The following RAB3C variants were observed in gnomAD, a reference collection of about 807,000 sequenced individuals.
RAB3C encodes ras-related protein Rab-3C.
In RAB3C, 17 loss-of-function variants were observed where a neutral mutation model predicts 26.4. The observed-to-expected ratio is 0.64, with a 90% CI of 0.44 to 0.97. RAB3C has a LOEUF of 0.97. Among genes scored for constraint, RAB3C ranks in the 50% least tolerant of loss-of-function variants. RAB3C has a pLI of 0.00. For synonymous variants in RAB3C, 91 were observed against 95.9 expected (o/e 0.95, Z 0.30); for missense variants, 242 against 281.9 (o/e 0.86, Z 1.01).
chr5:58,745,270 T>C (rs1281704155), intron 3 of RAB3C, among the ~76,000 whole-genome samples: 2 of 148,430 alleles, frequency 1.3e-5, no homozygotes, highest in South Asian at 2.1e-4. Context: ...TAGTGGCGGG[T>C]GCCTGTGGTC....
At chr5:58,666,951 T>C (rs9292171) in intron 2 of RAB3C, among the ~76,000 whole-genome samples, 29,289 of 152,124 alleles carry the variant, frequency 0.19, 3,091 homozygotes, top group African/African-American at 0.28. Context: ...ATTTGAGCGT[T>C]TTGTCCTGGG....
intron 3 of RAB3C, among the ~76,000 whole-genome samples, chr5:58,740,202 C>T (rs923210589): frequency 1.3e-5 from 2 of 152,212 alleles, no homozygotes; most frequent in Non-Finnish European, 1.5e-5. Flanking sequence ...CCAGAGTCAG[C>T]TATTACAGGA....
intron 2 of RAB3C, among the ~76,000 whole-genome samples, chr5:58,633,978 A>AC (rs199537427): frequency 5.8e-5 from 4 of 69,536 alleles, no homozygotes; most frequent in African/African-American, 4.7e-4. Context: ...TAAAAAATAC[A>AC]AAAAAAAAAA....
At chr5:58,784,195 T>C (rs1391992392) in intron 3 of RAB3C, among the ~76,000 whole-genome samples, 1 of 152,162 alleles carries the variant, frequency 6.6e-6, no homozygotes, top group East Asian at 1.9e-4. Context: ...ATATAATATA[T>C]AGTCCTCCAC....
chr5:58,833,324 T>TCTCA (rs1554021454), intron 4 of RAB3C, among the ~76,000 whole-genome samples: 136 of 141,154 alleles, frequency 9.6e-4, no homozygotes, highest in African/African-American at 3.4e-3. Context: ...ACGGACCCCA[T>TCTCA]CACACACACA....
intron 2 of RAB3C, among the ~76,000 whole-genome samples, chr5:58,666,632 G>C (rs1748007704): frequency 6.6e-6 from 1 of 152,128 alleles, no homozygotes; most frequent in Non-Finnish European, 1.5e-5. Flanking sequence ...ACCACACTAG[G>C]CTGACCAGTT....
intron 4 of RAB3C, among the ~76,000 whole-genome samples, chr5:58,837,048 T>C (rs925093571): frequency 4.6e-5 from 7 of 152,206 alleles, no homozygotes; most frequent in Non-Finnish European, 1.0e-4. Flanking sequence ...ACATTTGTTA[T>C]TTTTTGTGTT....
At chr5:58,675,414 T>C (rs1416632086) in intron 2 of RAB3C, among the ~76,000 whole-genome samples, 33 of 152,150 alleles carry the variant, frequency 2.2e-4, no homozygotes, top group Admixed American at 2.1e-3. Flanking sequence ...TTAAACTTTC[T>C]GTATATTGTA....
At chr5:58,673,322 A>G (rs1311426478) in intron 2 of RAB3C, among the ~76,000 whole-genome samples, 1 of 152,128 alleles carries the variant, frequency 6.6e-6, no homozygotes, top group Admixed American at 6.6e-5. Context: ...GTCCAACCTG[A>G]TCCAAAACAA....
intron 1 of RAB3C, among the ~76,000 whole-genome samples, chr5:58,587,694 C>T (rs143006353): frequency 1.3e-3 from 193 of 152,232 alleles, no homozygotes; most frequent in Admixed American, 2.2e-3. Flanking sequence ...CTAATCATCC[C>T]TGAGTATTCC....
At chr5:58,583,679 A>C (rs1324270213) in intron 1 of RAB3C, among the ~76,000 whole-genome samples, 1 of 152,134 alleles carries the variant, frequency 6.6e-6, no homozygotes, top group Non-Finnish European at 1.5e-5. Flanking sequence ...AAGGCGCATT[A>C]AATAAAGAGA....
At chr5:58,612,913 G>A (rs1237879576) in intron 1 of RAB3C, among the ~76,000 whole-genome samples, 1 of 151,860 alleles carries the variant, frequency 6.6e-6, no homozygotes, top group Non-Finnish European at 1.5e-5. Flanking sequence ...GTTTTCAAGG[G>A]GAATGCTTCC....
chr5:58,819,149 A>G (rs142228545), intron 3 of RAB3C, among the ~76,000 whole-genome samples: 73 of 152,340 alleles, frequency 4.8e-4, no homozygotes, highest in African/African-American at 1.7e-3. Context: ...AGATGTTGCA[A>G]CTTAAAAAGT....
intron 2 of RAB3C, among the ~76,000 whole-genome samples, chr5:58,700,913 A>G (rs1280799058): frequency 6.6e-6 from 1 of 152,160 alleles, no homozygotes; most frequent in Non-Finnish European, 1.5e-5. Context: ...TCCTTTATGG[A>G]TAGACCTCCA....
intron 2 of RAB3C, among the ~76,000 whole-genome samples, chr5:58,641,345 G>C (rs1300071367): frequency 6.6e-6 from 1 of 152,214 alleles, no homozygotes; most frequent in Non-Finnish European, 1.5e-5. Context: ...GAAAACAAGA[G>C]AGTGCACAGA....
rs189604192 is a variant in RAB3C, at chr5:58,782,056, C to T, written c.372-42982C>T. On this transcript the variant is annotated intron_variant, in intron 3 of 4. Coordinates refer to ENST00000282878, the MANE Select transcript of RAB3C (RefSeq NM_138453.4). ...TCAACTGCTCCAGCCTGAAAGTCCT[C>T]TGAGTAAAACTGTGTTTTACGTGTA... Among the ~76,000 whole-genome samples the T allele has an allele frequency of 1.8e-3, 271 of 152,268 alleles. 2 individuals carry two copies. Among genetic ancestry groups the T allele is most frequent in the African/African-American group, 6.4e-3 (265 of 41,554 alleles).
At position 58,675,975 on chromosome 5, in the gene RAB3C, G is replaced by A. The variant is rs535192205; in HGVS notation, c.253-50027G>A. ...GTGCAGCCTTACCCTGTGGCACTGT[G>A]GAAGGGCAGGGCTTTCCTGGCACAG... On this transcript the variant is annotated intron_variant, in intron 2 of 4. Transcript: ENST00000282878. Among the ~76,000 whole-genome samples, 4 of 152,168 alleles carry A rather than the reference G, an allele frequency of 2.6e-5. No individual in the cohort carries two copies. The East Asian group carries it at 7.8e-4, about 30-fold the overall frequency.
chr5:58,801,540 C>G (rs967482421), intron 3 of RAB3C, among the ~76,000 whole-genome samples: 1 of 152,178 alleles, frequency 6.6e-6, no homozygotes, highest in African/African-American at 2.4e-5. Flanking sequence ...TCCTGAAGTT[C>G]TTTATCATTG....
intron 3 of RAB3C, among the ~76,000 whole-genome samples, chr5:58,793,640 C>T (rs951076562): frequency 6.7e-6 from 1 of 149,244 alleles, no homozygotes; most frequent in Non-Finnish European, 1.5e-5. Context: ...CACATATACA[C>T]ATGCACACAT....
Sources: gnomAD v4.1 joint callset for allele counts (sites outside exome capture counted in the v4.1 genomes callset) on GRCh38, gnomAD v4.1.1 for gene constraint, MANE v1.5 for transcripts, NCBI Gene and HGNC (gene_info 2026-07-23, HGNC 2026-07-21) for gene names.